The following NFKB1 variants were observed in gnomAD, a reference collection of about 807,000 sequenced individuals.
The protein encoded by NFKB1 is nuclear factor kappa B subunit 1, also known as nuclear factor NF-kappa-B p105 subunit.
A neutral mutation model predicts 105.1 loss-of-function variants in NFKB1; 9 were observed. The ratio of observed to expected loss-of-function variants is 0.09; its 90% CI spans 0.05 to 0.15. The LOEUF (loss-of-function observed/expected upper bound fraction) is 0.15. NFKB1 is among the 10% of genes least tolerant of loss of function. The pLI, the probability that NFKB1 is intolerant of heterozygous loss-of-function variation, is 1.00. For missense variants in NFKB1, 830 were observed against 1,203.7 expected (o/e 0.69, Z 4.59); for synonymous variants, 440 against 442.2 (o/e 1.00, Z 0.06).
intron 5 of NFKB1, among the ~76,000 whole-genome samples, chr4:102,560,404 T>C (rs230504): frequency 0.69 from 104,461 of 152,044 alleles, 36,504 homozygotes; most frequent in African/African-American, 0.8. Flanking sequence ...CTCTGTGTAA[T>C]TCACGAGAAC....
intron 5 of NFKB1, among the ~76,000 whole-genome samples, chr4:102,542,428 A>G (rs532247454): frequency 5.9e-5 from 9 of 152,214 alleles, no homozygotes; most frequent in Non-Finnish European, 1.2e-4. Context: ...AAAAATTGAC[A>G]TAACAGACAC....
intron 5 of NFKB1, among the ~76,000 whole-genome samples, chr4:102,550,234 T>A (rs1722471204): frequency 1.3e-5 from 2 of 152,118 alleles, no homozygotes. Context: ...TTTTGATATG[T>A]CCCTATCTTT....
At chr4:102,610,954 A>G (rs1027397541) in intron 20 of NFKB1, among the ~76,000 whole-genome samples, 5 of 152,198 alleles carry the variant, frequency 3.3e-5, no homozygotes, top group Non-Finnish European at 5.9e-5. Context: ...TAGAAGAAAA[A>G]CACAAAATTC....
intron 11 of NFKB1, among the ~76,000 whole-genome samples, chr4:102,585,642 T>C (rs962054819): frequency 6.6e-6 from 1 of 152,206 alleles, no homozygotes; most frequent in Non-Finnish European, 1.5e-5. Flanking sequence ...AGTTATAATG[T>C]AAATTATGAT....
chr4:102,604,237 A>G lies in NFKB1; in HGVS notation c.1753-2259A>G, dbSNP rs989562078. On this transcript the variant is annotated intron_variant, in intron 16 of 23. Transcript: ENST00000226574. ...GATATTTTCATATACTCTCACATAC[A>G]ATCCACATTATATTAAATGTACTTC... Among the ~76,000 whole-genome samples, 4 of 152,188 alleles carry G rather than the reference A, an allele frequency of 2.6e-5. No individual in the cohort carries two copies. The South Asian group carries it at 8.3e-4, about 31-fold the overall frequency.
chr4:102,574,433 C>G (rs935326621), intron 6 of NFKB1, among the ~76,000 whole-genome samples: 1 of 152,146 alleles, frequency 6.6e-6, no homozygotes, highest in Non-Finnish European at 1.5e-5. Context: ...CATATTTCCT[C>G]ACACACAGCA....
At chr4:102,614,109 C>A (rs1039485517) in intron 23 of NFKB1, among the ~76,000 whole-genome samples, 1 of 152,068 alleles carries the variant, frequency 6.6e-6, no homozygotes, top group Non-Finnish European at 1.5e-5. Context: ...AAACCCCCAA[C>A]ACTCCTTCCC....
chr4:102,594,786 C>A, intron 12 of NFKB1, 106 bp from the exon 13 acceptor site: 1 of 725,560 alleles, frequency 1.4e-6, no homozygotes, highest in Non-Finnish European at 2.4e-6. Flanking sequence ...ACAATACTGT[C>A]CTGTCACACC....
rs1162555855 is a variant in NFKB1, at chr4:102,563,067, T to G, written c.259-3920T>G. ...TCCTAGAAAATTATAGACTACATCC[T>G]GTAACCACCTTTGAAGAACCAGCAT... On this transcript the variant is annotated intron_variant, in intron 5 of 23. Transcript: ENST00000226574. Among the ~76,000 whole-genome samples the G allele has an allele frequency of 2.0e-5, 3 of 152,220 alleles. No homozygotes were observed. In the East Asian group the frequency reaches 5.8e-4, roughly 29 times the overall value.
intron 6 of NFKB1, among the ~76,000 whole-genome samples, chr4:102,570,870 G>A (rs1352439849): frequency 6.6e-6 from 1 of 152,136 alleles, no homozygotes; most frequent in African/African-American, 2.4e-5. Flanking sequence ...CATGCTCATG[G>A]ATAGGAAGAA....
chr4:102,537,763 T>C (rs55653395), intron 4 of NFKB1, 95 bp from the exon 5 acceptor site: 25 of 637,340 alleles, frequency 3.9e-5, no homozygotes, highest in Non-Finnish European at 6.4e-5. Context: ...TCTCATTTAG[T>C]AGACATAAGA....
At chr4:102,609,117 C>G (rs549752624) in intron 19 of NFKB1, among the ~76,000 whole-genome samples, 1 of 122,796 alleles carries the variant, frequency 8.1e-6, no homozygotes, top group African/African-American at 2.9e-5. Flanking sequence ...TTCACCACTG[C>G]ACTCCAGCCT....
intron 3 of NFKB1, 50 bp from the exon 4 acceptor site, chr4:102,533,795 G>T: frequency 6.7e-7 from 1 of 1,501,212 alleles, no homozygotes; most frequent in South Asian, 1.2e-5. Context: ...TACCAAATTT[G>T]AGAAGCCTCA....
intron 23 of NFKB1, 115 bp from the exon 24 acceptor site, chr4:102,616,319 A>G (rs1728935805): frequency 9.3e-7 from 1 of 1,076,516 alleles, no homozygotes; most frequent in Non-Finnish European, 1.4e-6. Flanking sequence ...TGAGGGTGGC[A>G]TAGGTGGGAT....
chr4:102,502,107 C>T (rs1290266415), intron 1 of NFKB1: 1 of 152,538 alleles, frequency 6.6e-6, no homozygotes, highest in Non-Finnish European at 1.5e-5. Context: ...AAATCCCCAA[C>T]CCCAGCCCCA....
chr4:102,509,148 A>G (rs1261875508), intron 1 of NFKB1, among the ~76,000 whole-genome samples: 1 of 152,208 alleles, frequency 6.6e-6, no homozygotes, highest in African/African-American at 2.4e-5. Flanking sequence ...CAGCAGTCCA[A>G]CAATAGTCAA....
chr4:102,511,985 C>A (rs111706315), intron 1 of NFKB1, among the ~76,000 whole-genome samples: 1 of 152,156 alleles, frequency 6.6e-6, no homozygotes, highest in Non-Finnish European at 1.5e-5. Context: ...GACAATGGAG[C>A]GTTGACTGAA....
intron 1 of NFKB1, among the ~76,000 whole-genome samples, chr4:102,514,573 C>A (rs1308521627): frequency 1.3e-5 from 2 of 152,118 alleles, no homozygotes; most frequent in African/African-American, 4.8e-5. Flanking sequence ...TAAACCTGGG[C>A]TCTTTATAAA....
At chr4:102,529,767 C>T in intron 2 of NFKB1, 69 bp from the exon 3 acceptor site, 3 of 1,163,604 alleles carry the variant, frequency 2.6e-6, no homozygotes, top group Non-Finnish European at 3.7e-6. Context: ...TTTAGGTGTC[C>T]CAACTTCAAA....
Sources: allele counts gnomAD v4.1 joint callset (sites outside exome capture counted in the v4.1 genomes callset), GRCh38; gene constraint gnomAD v4.1.1; transcripts MANE v1.5; gene names NCBI Gene and HGNC (gene_info 2026-07-23, HGNC 2026-07-21).